The following ARK2C variants were observed in gnomAD, a reference collection of about 807,000 sequenced individuals.
ARK2C encodes the protein E3 ubiquitin-protein ligase ARK2C.
the ARK2C span, among the ~76,000 whole-genome samples, chr18:46,375,954 T>G: frequency 1.3e-5 from 2 of 152,194 alleles, no homozygotes; most frequent in Non-Finnish European, 2.9e-5. Flanking sequence ...GACTTAATCT[T>G]CTTTTGCTTC....
chr18:46,363,690 G>C, the ARK2C span, among the ~76,000 whole-genome samples: 1 of 152,180 alleles, frequency 6.6e-6, no homozygotes, highest in African/African-American at 2.4e-5. Context: ...TGCTTGAGGA[G>C]CTAAGATTCT....
the ARK2C span, chr18:46,450,211 T>C: frequency 1.2e-6 from 1 of 827,634 alleles, no homozygotes. Context: ...GTGTACTGAG[T>C]GGGTTACAGG....
chr18:46,365,360 G>C, the ARK2C span, among the ~76,000 whole-genome samples: 12 of 152,282 alleles, frequency 7.9e-5, no homozygotes, highest in Middle Eastern at 3.4e-3. Context: ...ACCTATGTCT[G>C]TCTCTAGAAG....
At chr18:46,455,007 A>G in the ARK2C span, among the ~76,000 whole-genome samples, 2 of 152,244 alleles carry the variant, frequency 1.3e-5, no homozygotes, top group South Asian at 2.1e-4. Flanking sequence ...TAATGATTCT[A>G]CATATGGCTT....
At chr18:46,383,489 T>C in the ARK2C span, among the ~76,000 whole-genome samples, 1 of 151,386 alleles carries the variant, frequency 6.6e-6, no homozygotes, top group African/African-American at 2.4e-5. Flanking sequence ...AGTAAAACCA[T>C]AACCTTTGGT....
At chr18:46,359,705 C>T in the ARK2C span, among the ~76,000 whole-genome samples, 1 of 152,110 alleles carries the variant, frequency 6.6e-6, no homozygotes, top group Non-Finnish European at 1.5e-5. Flanking sequence ...GGTGTGGTGC[C>T]CCTCAGTGGC....
the ARK2C span, among the ~76,000 whole-genome samples, chr18:46,354,027 C>T: frequency 6.6e-6 from 1 of 152,184 alleles, no homozygotes; most frequent in Non-Finnish European, 1.5e-5. Flanking sequence ...ACAAGCTCCC[C>T]ACATCTCAGT....
At chr18:46,334,731 C>A in the ARK2C span, 162 of 312,708 alleles carry the variant, frequency 5.2e-4, no homozygotes, top group African/African-American at 2.9e-3. This position sits in a 1 kb window ranked among gnomAD's most constrained non-coding sequence, Gnocchi z 4.4. Context: ...AGAGAGAGAG[C>A]GCGCGCGCGA....
At chr18:46,354,696 AT>A in the ARK2C span, among the ~76,000 whole-genome samples, 1 of 152,192 alleles carries the variant, frequency 6.6e-6, no homozygotes, top group East Asian at 1.9e-4. Flanking sequence ...CGCCTTATAA[AT>A]GACAGTTTGT....
At chr18:46,390,735 G>A in the ARK2C span, among the ~76,000 whole-genome samples, 37 of 152,202 alleles carry the variant, frequency 2.4e-4, no homozygotes, top group African/African-American at 7.5e-4. Flanking sequence ...GCGGTGGCTC[G>A]GAATCCTATA....
At chr18:46,400,452 C>T in the ARK2C span, among the ~76,000 whole-genome samples, 4 of 152,212 alleles carry the variant, frequency 2.6e-5, no homozygotes, top group African/African-American at 9.6e-5. Flanking sequence ...CCCCTGTCAC[C>T]TCTTCAACTC....
the ARK2C span, among the ~76,000 whole-genome samples, chr18:46,365,196 AG>A: frequency 2.6e-5 from 4 of 152,080 alleles, no homozygotes. Context: ...GCTGAAGGGG[AG>A]GGGGTATGGA....
the ARK2C span, among the ~76,000 whole-genome samples, chr18:46,434,814 C>A: frequency 1.3e-5 from 2 of 152,026 alleles, no homozygotes; most frequent in Non-Finnish European, 2.9e-5. Flanking sequence ...TTCAAGGAGG[C>A]CTTCCTGGAG....
At chr18:46,411,269 G>A in the ARK2C span, among the ~76,000 whole-genome samples, 2 of 152,214 alleles carry the variant, frequency 1.3e-5, no homozygotes, top group African/African-American at 4.8e-5. Flanking sequence ...CTGGCAAGTA[G>A]CTTTGGGTTG....
At chr18:46,459,984 C>T in the ARK2C span, 3 of 152,670 alleles carry the variant, frequency 2.0e-5, no homozygotes, top group Non-Finnish European at 4.4e-5. Flanking sequence ...AATCAATCAA[C>T]CCAACACCAC....
chr18:46,389,516 C>A, the ARK2C span, among the ~76,000 whole-genome samples: 7 of 152,142 alleles, frequency 4.6e-5, no homozygotes, highest in Non-Finnish European at 1.0e-4. Flanking sequence ...CTGATGAGAG[C>A]AGAGACAGTC....
the ARK2C span, among the ~76,000 whole-genome samples, chr18:46,356,916 C>G: frequency 6.6e-6 from 1 of 152,160 alleles, no homozygotes; most frequent in African/African-American, 2.4e-5. Flanking sequence ...GATGGAGCCC[C>G]GGCTGGAAAG....
chr18:46,419,401 C>A, the ARK2C span, among the ~76,000 whole-genome samples: 1 of 152,126 alleles, frequency 6.6e-6, no homozygotes, highest in Non-Finnish European at 1.5e-5. Flanking sequence ...TAGCATTCCC[C>A]CTGCTAGGTG....
At chr18:46,436,053 C>A in the ARK2C span, among the ~76,000 whole-genome samples, 2 of 152,120 alleles carry the variant, frequency 1.3e-5, no homozygotes, top group Non-Finnish European at 2.9e-5. Context: ...GATGCAGGGT[C>A]GCTTGGTTTT....
Sources: gnomAD v4.1 joint callset for allele counts (sites outside exome capture counted in the v4.1 genomes callset) on GRCh38, gnomAD v4.1.1 for gene constraint, Gnocchi (gnomAD v3.1) non-coding constraint, MANE v1.5 for transcripts, NCBI Gene and HGNC (gene_info 2026-07-23, HGNC 2026-07-21) for gene names.